Variants in SVOPL observed in about 807,000 individuals in gnomAD.
SVOPL encodes putative transporter SVOPL.
Under a neutral mutation model 61.0 loss-of-function variants are expected in SVOPL, and 60 were observed. That is an observed-to-expected ratio of 0.98 (90% CI 0.80 to 1.22). The LOEUF (loss-of-function observed/expected upper bound fraction) is 1.22, where lower values mean the gene tolerates loss of function less well. Among genes scored for constraint, SVOPL ranks in the 50% most tolerant of loss-of-function variants. The probability of loss-of-function intolerance (pLI) is 0.00; values close to 1 mark genes in which losing one functional copy is unlikely to be tolerated. For synonymous variants in SVOPL, 279 were observed against 250.0 expected (o/e 1.12, Z -1.09); for missense variants, 662 against 643.9 (o/e 1.03, Z -0.30).
intron 1 of SVOPL, among the ~76,000 whole-genome samples, chr7:138,688,521 T>TA (rs1403594224): frequency 6.6e-6 from 1 of 152,068 alleles, no homozygotes; most frequent in Non-Finnish European, 1.5e-5. Context: ...CCACCTGCCT[T>TA]GGCCTCCCAA....
chr7:138,634,770 T>C (rs1673169), intron 9 of SVOPL, among the ~76,000 whole-genome samples: 52,733 of 151,374 alleles, frequency 0.35, 11,162 homozygotes, highest in African/African-American at 0.61. Context: ...CAAGACCAGC[T>C]TGGGCAACAT....
intron 8 of SVOPL, among the ~76,000 whole-genome samples, chr7:138,648,067 T>C (rs1370706072): frequency 2.0e-5 from 3 of 152,064 alleles, no homozygotes; most frequent in African/African-American, 7.2e-5. Context: ...ATGAGTAGAA[T>C]TGTACTGCAA....
intron 3 of SVOPL, among the ~76,000 whole-genome samples, chr7:138,673,596 G>C (rs1177277322): frequency 6.6e-6 from 1 of 152,142 alleles, no homozygotes; most frequent in Non-Finnish European, 1.5e-5. Context: ...AGTGAGCTGA[G>C]ATCACACCAC....
intron 11 of SVOPL, among the ~76,000 whole-genome samples, chr7:138,627,948 A>G (rs1050309725): frequency 4.6e-5 from 7 of 152,216 alleles, no homozygotes; most frequent in Non-Finnish European, 8.8e-5. Context: ...ACACCTTACA[A>G]TTGATAGAAT....
At chr7:138,648,415 CT>C (rs1465294547) in intron 8 of SVOPL, among the ~76,000 whole-genome samples, 4 of 151,402 alleles carry the variant, frequency 2.6e-5, no homozygotes, top group Non-Finnish European at 5.9e-5. Flanking sequence ...CAAGATCAGC[CT>C]GTCCAATGTG....
chr7:138,666,050 GAAC>G (rs1475742752), intron 4 of SVOPL, among the ~76,000 whole-genome samples: 1 of 152,228 alleles, frequency 6.6e-6, no homozygotes, highest in Non-Finnish European at 1.5e-5. Context: ...GCTTCTGCAA[GAAC>G]AATACCCAGC....
chr7:138,640,400 T>G (rs1034894871), intron 9 of SVOPL, among the ~76,000 whole-genome samples: 22 of 151,902 alleles, frequency 1.4e-4, no homozygotes, highest in African/African-American at 5.1e-4. Flanking sequence ...CCTGGCTAAT[T>G]TTATATTTTT....
intron 14 of SVOPL, 111 bp downstream of exon 14, chr7:138,620,935 A>T: frequency 1.0e-6 from 1 of 982,452 alleles, no homozygotes. Flanking sequence ...CCTCCAGAAA[A>T]CTCATGAAGT....
At chr7:138,610,125 C>T (rs1376807325) in intron 14 of SVOPL, among the ~76,000 whole-genome samples, 1 of 152,134 alleles carries the variant, frequency 6.6e-6, no homozygotes, top group African/African-American at 2.4e-5. Flanking sequence ...GATATACATA[C>T]AATGAAATAT....
intron 13 of SVOPL, among the ~76,000 whole-genome samples, chr7:138,622,010 C>CTATCTATCTATCTATG: frequency 2.2e-5 from 1 of 46,266 alleles, no homozygotes; most frequent in South Asian, 7.4e-4. Context: ...ATCTATGTAT[C>CTATCTATCTATCTATG]TATCTATGTA....
At chr7:138,665,617 T>C in intron 4 of SVOPL, among the ~76,000 whole-genome samples, 1 of 152,166 alleles carries the variant, frequency 6.6e-6, no homozygotes. Flanking sequence ...TACATGTGTG[T>C]CATGTACTAT....
intron 7 of SVOPL, among the ~76,000 whole-genome samples, chr7:138,652,905 C>T (rs1317623105): frequency 1.3e-5 from 2 of 152,138 alleles, no homozygotes; most frequent in African/African-American, 4.8e-5. Context: ...GGATTACAGG[C>T]GTGAGCCACC....
At chr7:138,634,425 C>T (rs572512609) in intron 9 of SVOPL, among the ~76,000 whole-genome samples, 35 of 151,792 alleles carry the variant, frequency 2.3e-4, no homozygotes, top group African/African-American at 8.5e-4. Flanking sequence ...GAAGGATCAC[C>T]TGGGGCCAGA....
At chr7:138,636,871 T>C (rs1442822751) in intron 9 of SVOPL, among the ~76,000 whole-genome samples, 1 of 152,098 alleles carries the variant, frequency 6.6e-6, no homozygotes, top group Non-Finnish European at 1.5e-5. Flanking sequence ...AAAATAAGCC[T>C]GAAAATATAG....
At chr7:138,676,899 C>CT (rs1191279496) in intron 3 of SVOPL, among the ~76,000 whole-genome samples, 4,296 of 112,762 alleles carry the variant, frequency 0.038, 122 homozygotes, top group African/African-American at 0.053. Flanking sequence ...CTTGGGGTTC[C>CT]TTTTTTTTTT....
At chr7:138,676,728 T>A (rs985463797) in intron 3 of SVOPL, among the ~76,000 whole-genome samples, 1 of 152,190 alleles carries the variant, frequency 6.6e-6, no homozygotes, top group Non-Finnish European at 1.5e-5. Context: ...CGAATTTACA[T>A]AAAATAATAC....
rs757156905 is a variant in SVOPL, at chr7:138,626,060, A to T, written c.1182-10T>A. On this transcript the variant is annotated splice_polypyrimidine_tract_variant and intron_variant, in intron 12 of 15. Coordinates refer to ENST00000674285, the MANE Select transcript of SVOPL (RefSeq NM_001139456.2). ...GCCAATCAGGCCGGCACTAGAAAAC[A>T]GGAAGCGGAGAGAAATTATAAAAGG... The T allele has an allele frequency of 6.2e-7, 1 of 1,613,948 alleles. No homozygotes were observed. Among genetic ancestry groups the T allele is most frequent in the South Asian group, 1.1e-5 (1 of 91,040 alleles).
rs1424989348 is a variant in SVOPL at position 138,630,123 on chromosome 7, C to G, written c.790-1G>C. ...GGTCTGCAAATCTTCCTCTTTTTTC[C>G]TGGGGTAATGAAAAGGAGACAGAAC... On this transcript the variant is annotated splice_acceptor_variant, in intron 9 of 15. Transcript: ENST00000674285. LOFTEE classifies it high-confidence loss of function. 1 of 1,612,974 alleles carries G rather than the reference C, an allele frequency of 6.2e-7. No homozygotes were observed.
Position 138,642,831 on chromosome 7 carries a change from C to CAAAAAAAAAAAAAAAAAAA in SVOPL, c.789+1867_789+1885dup, listed in dbSNP as rs749603417. On this transcript the variant is annotated intron_variant, in intron 9 of 15. Coordinates refer to ENST00000674285, the MANE Select transcript of SVOPL (RefSeq NM_001139456.2). ...GACGATAGAGCGAGACTCCTACCTC[C>CAAAAAAAAAAAAAAAAAAA]AAAAAAAAAAAAAAAAAAAGAAGAA... Among the ~76,000 whole-genome samples, 50 of 26,814 alleles carry CAAAAAAAAAAAAAAAAAAA rather than the reference C, an allele frequency of 1.9e-3. No homozygotes were observed. In the East Asian group the frequency reaches 0.021, roughly 11 times the overall value. 17.6% of individuals were successfully genotyped at this position (26,814 alleles called of 152,430 possible). A position where few individuals can be genotyped will look rare whatever the true frequency, so the allele number is the denominator to read the frequency against.
Sources: allele counts gnomAD v4.1 joint callset (sites outside exome capture counted in the v4.1 genomes callset), GRCh38; gene constraint gnomAD v4.1.1; transcripts MANE v1.5; gene names NCBI Gene and HGNC (gene_info 2026-07-23, HGNC 2026-07-21).